Variants in ARHGEF38 observed in about 807,000 individuals in gnomAD.
The protein encoded by ARHGEF38 is Rho guanine nucleotide exchange factor (GEF) 38.
Under a neutral mutation model 79.9 loss-of-function variants are expected in ARHGEF38, and 79 were observed. The ratio of observed to expected loss-of-function variants is 0.99; its 90% CI spans 0.82 to 1.19. The LOEUF (loss-of-function observed/expected upper bound fraction) is 1.19. ARHGEF38 is among the 50% of genes most tolerant of loss of function. The pLI is 0.00. For missense variants in ARHGEF38, 962 were observed against 907.2 expected, an observed-to-expected ratio of 1.06 and a Z score of -0.78; for synonymous variants, 366 against 328.3, an observed-to-expected ratio of 1.11 and a Z score of -1.24.
At chr4:105,647,105 T>G (rs1438397459) in intron 6 of ARHGEF38, among the ~76,000 whole-genome samples, 6 of 152,156 alleles carry the variant, frequency 3.9e-5, no homozygotes, top group Non-Finnish European at 7.4e-5. Context: ...CTGGACAAGG[T>G]TTTAGATAAT....
chr4:105,646,747 A>G (rs2110542778), intron 6 of ARHGEF38, among the ~76,000 whole-genome samples: 1 of 152,328 alleles, frequency 6.6e-6, no homozygotes, highest in East Asian at 1.9e-4. Context: ...CATATTATAC[A>G]CTACAATACC....
At chr4:105,591,611 G>GT (rs1285439130) in intron 2 of ARHGEF38, among the ~76,000 whole-genome samples, 1 of 152,178 alleles carries the variant, frequency 6.6e-6, no homozygotes, top group East Asian at 1.9e-4. Flanking sequence ...CACAAAAATT[G>GT]TTTTTTGGTC....
intron 3 of ARHGEF38, among the ~76,000 whole-genome samples, chr4:105,628,069 A>C (rs954128118): frequency 6.6e-6 from 1 of 152,196 alleles, no homozygotes; most frequent in African/African-American, 2.4e-5. Flanking sequence ...TAAGAGCTAT[A>C]AATTCTTTCA....
chr4:105,679,526 A>G lies in ARHGEF38; in HGVS notation c.*1589A>G. 1.5e-6 allele frequency: 2 copies of G among 1,334,196 alleles called. No homozygotes were observed. The highest frequency in any genetic ancestry group is 3.4e-5 in the Admixed American group (2 of 59,438). The allele number at this position is 1,334,196 out of a possible 1,614,324, so 82.6% of individuals were successfully genotyped here. ...ATCATGGTTCAAAGCTTGATACACCAGAAATGTGGGCTAAAGCTGCAGCCA... is the reference window on the plus strand; with the variant it reads ...ATCATGGTTCAAAGCTTGATACACCGGAAATGTGGGCTAAAGCTGCAGCCA... On this transcript the variant is annotated 3_prime_UTR_variant, in exon 14 of 14. Transcript: ENST00000420470.
intron 1 of ARHGEF38, among the ~76,000 whole-genome samples, chr4:105,577,488 T>C (rs969208987): frequency 6.6e-6 from 1 of 152,040 alleles, no homozygotes; most frequent in African/African-American, 2.4e-5. Flanking sequence ...TTCAGTAGGA[T>C]TGATGCCAAT....
intron 10 of ARHGEF38, among the ~76,000 whole-genome samples, chr4:105,661,352 C>G (rs1259686967): frequency 6.6e-6 from 1 of 151,852 alleles, no homozygotes; most frequent in Non-Finnish European, 1.5e-5. Flanking sequence ...AGTGGAATTT[C>G]TGGATCATAT....
chr4:105,590,485 T>C (rs1727285137), intron 2 of ARHGEF38, among the ~76,000 whole-genome samples: 1 of 152,210 alleles, frequency 6.6e-6, no homozygotes, highest in African/African-American at 2.4e-5. Flanking sequence ...TACAAGCACA[T>C]ATATTTTTAC....
chr4:105,591,822 A>C (rs1000178168), intron 2 of ARHGEF38, among the ~76,000 whole-genome samples: 66 of 152,304 alleles, frequency 4.3e-4, no homozygotes, highest in South Asian at 1.0e-3. Context: ...AAACCTGGAA[A>C]TTTCTTATTC....
chr4:105,648,905 C>T (rs17036069), intron 7 of ARHGEF38, among the ~76,000 whole-genome samples: 1,619 of 151,532 alleles, frequency 0.011, 37 homozygotes, highest in African/African-American at 0.037. Context: ...ATAGGATTGA[C>T]ACTGTCTTAG....
At chr4:105,630,701 A>T (rs1303755808) in intron 3 of ARHGEF38, among the ~76,000 whole-genome samples, 197 bp from the exon 4 acceptor site, 2 of 152,254 alleles carry the variant, frequency 1.3e-5, no homozygotes, top group Admixed American at 1.3e-4. Context: ...GGAGCAAAGA[A>T]GGAAAGCAGG....
chr4:105,616,516 A>T (rs1728514779), intron 3 of ARHGEF38, among the ~76,000 whole-genome samples: 1 of 151,942 alleles, frequency 6.6e-6, no homozygotes, highest in Non-Finnish European at 1.5e-5. Context: ...TCTCATGAGA[A>T]CTCACTCACT....
chr4:105,591,438 C>G lies in ARHGEF38; in HGVS notation c.384+2003C>G, dbSNP rs546662531. Among the ~76,000 whole-genome samples, 137 of 152,252 alleles carry G rather than the reference C, an allele frequency of 9.0e-4. 1 individual carries two copies. The highest frequency in any genetic ancestry group is 1.1e-3 in the Non-Finnish European group (74 of 68,008). ...TAGAGACGGGGTTTCACAGTGTTAG[C>G]CAGGGTGGTCTCCATCTCCTGACCT... On this transcript the variant is annotated intron_variant, in intron 2 of 13. Coordinates refer to ENST00000420470, the MANE Select transcript of ARHGEF38 (RefSeq NM_001242729.2).
At chr4:105,629,680 G>A (rs1335570521) in intron 3 of ARHGEF38, among the ~76,000 whole-genome samples, 7 of 151,752 alleles carry the variant, frequency 4.6e-5, no homozygotes, top group African/African-American at 1.5e-4. Flanking sequence ...AGTAGTGGAT[G>A]CATAATACTT....
intron 13 of ARHGEF38, among the ~76,000 whole-genome samples, chr4:105,676,475 A>G (rs981577666): frequency 5.9e-5 from 9 of 152,220 alleles, no homozygotes; most frequent in South Asian, 2.1e-4. Flanking sequence ...ACCAGCACTT[A>G]GTAGGTACTT....
intron 2 of ARHGEF38, among the ~76,000 whole-genome samples, chr4:105,599,660 C>G (rs1257382727): frequency 6.6e-6 from 1 of 152,084 alleles, no homozygotes; most frequent in Non-Finnish European, 1.5e-5. Context: ...TTTATTCAGG[C>G]ATAGGTCAAA....
intron 6 of ARHGEF38, among the ~76,000 whole-genome samples, 153 bp from the exon 7 acceptor site, chr4:105,648,396 G>T (rs1437629659): frequency 6.6e-6 from 1 of 152,086 alleles, no homozygotes; most frequent in African/African-American, 2.4e-5. Flanking sequence ...TGGGTGGACA[G>T]TGGGGCTGGA....
intron 13 of ARHGEF38, among the ~76,000 whole-genome samples, chr4:105,668,142 C>T (rs888710772): frequency 6.6e-6 from 1 of 151,944 alleles, no homozygotes; most frequent in African/African-American, 2.4e-5. Context: ...CAGTTTTAAT[C>T]TCATGTATAA....
At chr4:105,663,118 C>G (rs1379846048) in intron 10 of ARHGEF38, among the ~76,000 whole-genome samples, 8 of 151,906 alleles carry the variant, frequency 5.3e-5, no homozygotes, top group Admixed American at 5.2e-4. Flanking sequence ...CACAGCTTAC[C>G]CAATGGTAAC....
At chr4:105,607,542 G>T (rs1484261289) in intron 2 of ARHGEF38, among the ~76,000 whole-genome samples, 3 of 152,040 alleles carry the variant, frequency 2.0e-5, no homozygotes, top group Non-Finnish European at 2.9e-5. Context: ...TCACAGTTTT[G>T]TCATAGAGAC....
Sources: gnomAD v4.1 joint callset for allele counts (sites outside exome capture counted in the v4.1 genomes callset) on GRCh38, gnomAD v4.1.1 for gene constraint, MANE v1.5 for transcripts, NCBI Gene and HGNC (gene_info 2026-07-23, HGNC 2026-07-21) for gene names.